The following UBR2 variants were observed in gnomAD, a reference collection of about 807,000 sequenced individuals.
UBR2 encodes ubiquitin protein ligase E3 component n-recognin 2.
UBR2 carries 92 observed loss-of-function variants against 247.9 expected under a neutral mutation model. The ratio of observed to expected loss-of-function variants is 0.37; its 90% CI spans 0.31 to 0.44. The LOEUF (loss-of-function observed/expected upper bound fraction) is 0.44, where lower values mean the gene tolerates loss of function less well. Ranked by LOEUF, UBR2 falls within the 20% of genes least tolerant of loss-of-function variation. UBR2 has a pLI of 1.00. For synonymous variants in UBR2, 672 were observed against 693.5 expected (o/e 0.97, Z 0.49); for missense variants, 1,613 against 2,112.6 (o/e 0.76, Z 4.64).
At chr6:42,667,632 C>T (rs1401981959) in intron 34 of UBR2, among the ~76,000 whole-genome samples, 1 of 88,050 alleles carries the variant, frequency 1.1e-5, no homozygotes, top group Admixed American at 1.7e-4. Flanking sequence ...CTCGTGCTGT[C>T]GCCCAGGCTC....
At chr6:42,627,528 C>T (rs1247840720) in intron 11 of UBR2, among the ~76,000 whole-genome samples, 11 of 152,006 alleles carry the variant, frequency 7.2e-5, no homozygotes, top group African/African-American at 1.7e-4. Flanking sequence ...GTCAGGGTCT[C>T]GCTCTGTTGC....
Position 42,691,415 on chromosome 6 carries a change from T to C in UBR2, c.*242T>C. On this transcript the variant is annotated 3_prime_UTR_variant, in exon 47 of 47. Transcript: ENST00000372901. ...TTAAGATCGAGCAAGGAGCTTCTCT[T>C]CCTAGATTGGATCCCAGCCCCTTTG... 2.0e-6 allele frequency: 1 copy of C among 507,444 alleles called. No individual in the cohort carries two copies. The highest frequency in any genetic ancestry group is 3.5e-6 in the Non-Finnish European group (1 of 287,664). 31.4% of individuals were successfully genotyped at this position (507,444 alleles called of 1,614,324 possible).
At chr6:42,588,688 A>C (rs1328784912) in intron 2 of UBR2, among the ~76,000 whole-genome samples, 5 of 151,962 alleles carry the variant, frequency 3.3e-5, no homozygotes, top group Non-Finnish European at 7.4e-5. Context: ...ACAACAACAA[A>C]AAGTTTTTAT....
intron 3 of UBR2, 113 bp from the exon 4 acceptor site, chr6:42,594,078 A>G: frequency 1.4e-6 from 1 of 717,354 alleles, no homozygotes; most frequent in Non-Finnish European, 2.2e-6. Context: ...ATGCCTCCAA[A>G]GAAATTAAAC....
chr6:42,621,319 C>G (rs1224402904), intron 11 of UBR2, among the ~76,000 whole-genome samples: 1 of 152,178 alleles, frequency 6.6e-6, no homozygotes. Flanking sequence ...TGTCATAAAT[C>G]AAGACCTTTA....
At chr6:42,604,347 G>C (rs952969000) in intron 5 of UBR2, among the ~76,000 whole-genome samples, 4 of 152,130 alleles carry the variant, frequency 2.6e-5, no homozygotes, top group South Asian at 4.1e-4. Context: ...GTTGGAATTA[G>C]TCATAGTTTA....
intron 32 of UBR2, among the ~76,000 whole-genome samples, 182 bp downstream of exon 32, chr6:42,663,601 C>G (rs150500575): frequency 1.0e-3 from 156 of 152,264 alleles, no homozygotes; most frequent in African/African-American, 3.6e-3. Context: ...TAGAGAGGAA[C>G]AGGTGAAAAT....
At chr6:42,594,144 C>T (rs765626449) in intron 3 of UBR2, 47 bp from the exon 4 acceptor site, 1 of 1,360,996 alleles carries the variant, frequency 7.3e-7, no homozygotes, top group South Asian at 1.2e-5. Flanking sequence ...ATCTGATAGC[C>T]CTCAGTAAAT....
chr6:42,646,810 TATATATATATAGAG>T (rs1796784121), intron 21 of UBR2, among the ~76,000 whole-genome samples: 1 of 146,502 alleles, frequency 6.8e-6, no homozygotes, highest in African/African-American at 2.6e-5. Context: ...TATATGTTTA[TATATATATATAGAG>T]AGAGAGAGAG....
intron 11 of UBR2, 73 bp downstream of exon 11, chr6:42,617,580 G>A (rs1794641414): frequency 7.6e-7 from 1 of 1,308,766 alleles, no homozygotes; most frequent in Non-Finnish European, 1.1e-6. Context: ...GAGAACTAAA[G>A]TCTGTATATT....
In UBR2 at chr6:42,692,546, GA is replaced by G. The variant is rs1799800722; in HGVS notation, c.*1374del. The G allele has an allele frequency of 6.6e-6, 1 of 152,208 alleles. No individual in the cohort carries two copies. Among genetic ancestry groups the G allele is most frequent in the African/African-American group, 2.4e-5 (1 of 41,434 alleles). The allele number at this position is 152,208 out of a possible 1,614,324, so 9.4% of individuals were successfully genotyped here. The stretch of plus-strand genomic sequence containing the variant: ...AAGACTTAGTAGAGGAATAAATTCT[GA>G]GCCTGTCTAAGGTGGGGCTAAGGAA... On this transcript the variant is annotated 3_prime_UTR_variant, in exon 47 of 47. Coordinates refer to ENST00000372901, the MANE Select transcript of UBR2 (RefSeq NM_001363705.2).
At chr6:42,567,333 G>C (rs1301686883) in intron 1 of UBR2, among the ~76,000 whole-genome samples, 1 of 152,056 alleles carries the variant, frequency 6.6e-6, no homozygotes, top group Non-Finnish European at 1.5e-5. Context: ...CTCTTTTCTT[G>C]TTAGAATTGA....
At chr6:42,667,209 G>A (rs898401237) in intron 34 of UBR2, among the ~76,000 whole-genome samples, 3 of 151,958 alleles carry the variant, frequency 2.0e-5, no homozygotes, top group Non-Finnish European at 4.4e-5. Flanking sequence ...GGTGGTGCAC[G>A]CTTGTAATCC....
intron 22 of UBR2, among the ~76,000 whole-genome samples, chr6:42,648,784 A>G (rs1003265973): frequency 1.3e-5 from 2 of 152,084 alleles, no homozygotes; most frequent in Non-Finnish European, 1.5e-5. Context: ...AACCACTCAG[A>G]TGATTTCTAT....
At chr6:42,666,016 C>A in intron 33 of UBR2, 151 bp from the exon 34 acceptor site, 1 of 589,384 alleles carries the variant, frequency 1.7e-6, no homozygotes, top group Non-Finnish European at 2.9e-6. Flanking sequence ...TCAACTAGAG[C>A]AATAACGTTT....
chr6:42,689,802 G>A lies in UBR2; in HGVS notation c.5126+132G>A, dbSNP rs1400386994. The A allele has an allele frequency of 7.6e-6, 6 of 790,364 alleles. No individual in the cohort carries two copies. The highest frequency in any genetic ancestry group is 1.3e-5 in the Non-Finnish European group (6 of 470,536). The allele number at this position is 790,364 out of a possible 1,614,324, so 49.0% of individuals were successfully genotyped here. A position where few individuals can be genotyped will look rare whatever the true frequency, so the allele number is the denominator to read the frequency against. On this transcript the variant is annotated intron_variant, in intron 46 of 46. Coordinates refer to ENST00000372901, the MANE Select transcript of UBR2 (RefSeq NM_001363705.2). This position sits in a 1 kb window ranked among gnomAD's most constrained non-coding sequence, Gnocchi z 4.0. ...GTTATCTGTGGAGTCTTCCAAGGAG[G>A]GTGCCCTGTCAGCCTGGTTTGGTGT...
intron 36 of UBR2, among the ~76,000 whole-genome samples, chr6:42,671,273 C>T (rs998041235): frequency 3.3e-5 from 5 of 151,396 alleles, no homozygotes; most frequent in Admixed American, 6.6e-5. Flanking sequence ...GGAGTGGTGG[C>T]GTGGCATGTA....
At position 42,673,816 on chromosome 6, in the gene UBR2, G is replaced by C. The variant is rs151085727; in HGVS notation, c.4112G>C (p.Arg1371Thr). ...RLDDCLRSLT[R>T]FAAAHWTVAS... ...GATGACTGTCTTAGGTCATTGACGAGATTTGCCGCAGCACACTGGACAGTG... is the reference window on the plus strand; with the variant it reads ...GATGACTGTCTTAGGTCATTGACGACATTTGCCGCAGCACACTGGACAGTG... Residue 1371 changes from arginine to threonine, a missense_variant, in exon 37 of 47, where the codon AGA (arginine) becomes ACA (threonine). Arg to Thr is a moderately conservative substitution (Grantham distance 71). This residue lies in a region of UBR2 where 1,524 missense variants were observed against 1,967.3 expected (regional missense o/e 0.77). Transcript: ENST00000372901. The C allele has an allele frequency of 2.0e-4, 315 of 1,613,826 alleles. 1 individual carries two copies. The highest frequency in any genetic ancestry group is 2.8e-4 in the Admixed American group (17 of 59,958).
intron 3 of UBR2, 84 bp downstream of exon 3, chr6:42,592,313 T>C: frequency 8.9e-7 from 1 of 1,126,436 alleles, no homozygotes; most frequent in South Asian, 2.0e-5. Context: ...TGCAAAGATT[T>C]AACACTAAAA....
Sources: gnomAD v4.1 joint callset for allele counts (sites outside exome capture counted in the v4.1 genomes callset) on GRCh38, gnomAD v4.1.1 for gene constraint, gnomAD v4.1.1 regional missense constraint, Gnocchi (gnomAD v3.1) non-coding constraint, MANE v1.5 for transcripts, NCBI Gene and HGNC (gene_info 2026-07-23, HGNC 2026-07-21) for gene names.